BNIP3L: variants seen among roughly 807,000 people sequenced by gnomAD.
BNIP3L encodes BCL2 interacting protein 3 like.
In BNIP3L, 10 loss-of-function variants were observed where a neutral mutation model predicts 25.5. That is an observed-to-expected ratio of 0.39 (90% confidence interval 0.24 to 0.67). The LOEUF (loss-of-function observed/expected upper bound fraction) is 0.67. Ranked by LOEUF, BNIP3L falls within the 30% of genes least tolerant of loss-of-function variation. The probability of loss-of-function intolerance (pLI) is 0.45; values close to 1 mark genes in which losing one functional copy is unlikely to be tolerated. For missense variants in BNIP3L, 215 were observed against 270.9 expected (o/e 0.79, Z 1.45); for synonymous variants, 113 against 101.2 (o/e 1.12, Z -0.70).
Position 26,408,327 on chromosome 8 carries a change from G to A in BNIP3L, c.562G>A (p.Val188Met), listed in dbSNP as rs1806544938. 1 of 1,614,196 alleles carries A rather than the reference G, an allele frequency of 6.2e-7. No individual in the cohort carries two copies. The highest frequency in any genetic ancestry group is 8.5e-7 in the Non-Finnish European group (1 of 1,180,028). Reference sequence around the variant, plus strand: ...TATTTTCTCCGCAGAATTTCTGAAGGTGTTCATTCCATCTCTCTTCCTTTC... The same window carrying A: ...TATTTTCTCCGCAGAATTTCTGAAGATGTTCATTCCATCTCTCTTCCTTTC... Reference protein sequence around the residue: ...GGIFSAEFLKVFIPSLFLSHV... With the variant: ...GGIFSAEFLKMFIPSLFLSHV... The change falls in exon 5 of 6, where the codon GTG becomes ATG. Residue 188 changes from valine to methionine, a missense_variant. Val to Met is a conservative substitution (Grantham distance 21). Transcript: ENST00000380629.
At chr8:26,408,557 G>C (rs1276964824) in intron 5 of BNIP3L, among the ~76,000 whole-genome samples, 181 bp downstream of exon 5, 2 of 152,170 alleles carry the variant, frequency 1.3e-5, no homozygotes, top group Non-Finnish European at 2.9e-5. Context: ...AATAATAGTA[G>C]AGTGTGTTTT....
At chr8:26,387,287 C>A (rs911113932) in intron 1 of BNIP3L, among the ~76,000 whole-genome samples, 3 of 152,166 alleles carry the variant, frequency 2.0e-5, no homozygotes, top group Admixed American at 1.3e-4. Flanking sequence ...TAGTCATTCC[C>A]AAAAACCCAA....
chr8:26,388,326 C>A (rs1806033610), intron 1 of BNIP3L, among the ~76,000 whole-genome samples: 1 of 152,114 alleles, frequency 6.6e-6, no homozygotes, highest in South Asian at 2.1e-4. Context: ...CTAACAAAGT[C>A]TTCGAGGTAG....
At chr8:26,400,574 TTAAAC>T (rs1329489300) in intron 3 of BNIP3L, among the ~76,000 whole-genome samples, 1 of 141,878 alleles carries the variant, frequency 7.0e-6, no homozygotes, top group Non-Finnish European at 1.5e-5. Flanking sequence ...TGGGATCTAA[TTAAAC>T]TAAAGAGCTT....
Position 26,410,698 on chromosome 8 carries a change from T to C in BNIP3L, c.*286T>C. The stretch of plus-strand genomic sequence containing the variant: ...CTTTTCCGCAAATGCCACCAGCAGA[T>C]TATAATTTTGTCAGCAATGCTATTA... On this transcript the variant is annotated 3_prime_UTR_variant, in exon 6 of 6. Coordinates refer to ENST00000380629, the MANE Select transcript of BNIP3L (RefSeq NM_004331.3). The C allele has an allele frequency of 2.4e-6, 1 of 421,802 alleles. No individual in the cohort carries two copies. The highest frequency in any genetic ancestry group is 2.5e-5 in the South Asian group (1 of 40,320). 26.1% of individuals were successfully genotyped at this position (421,802 alleles called of 1,614,324 possible).
At chr8:26,389,716 T>C (rs563957000) in intron 1 of BNIP3L, among the ~76,000 whole-genome samples, 40 of 152,366 alleles carry the variant, frequency 2.6e-4, no homozygotes, top group Admixed American at 1.1e-3. Context: ...TTATTATCTC[T>C]GTTTACAAAT....
intron 1 of BNIP3L, among the ~76,000 whole-genome samples, chr8:26,389,594 A>G (rs747541404): frequency 2.6e-5 from 4 of 152,190 alleles, no homozygotes; most frequent in Non-Finnish European, 4.4e-5. Context: ...GCTGCCTCAA[A>G]TGGAAAGGAA....
At chr8:26,409,846 A>C (rs17055196) in intron 5 of BNIP3L, among the ~76,000 whole-genome samples, 19,557 of 152,202 alleles carry the variant, frequency 0.13, 1,422 homozygotes, top group African/African-American at 0.19. Context: ...TGAAGAGGCC[A>C]AATACTTTCT....
chr8:26,383,601 G>A (rs2117458376), intron 1 of BNIP3L: 1 of 532,840 alleles, frequency 1.9e-6, no homozygotes, highest in Non-Finnish European at 2.4e-6. Flanking sequence ...AGGGGACGTG[G>A]GCCGGGATGG....
At chr8:26,405,052 TTTTTG>T (rs1281570596) in intron 3 of BNIP3L, among the ~76,000 whole-genome samples, 11 of 152,226 alleles carry the variant, frequency 7.2e-5, no homozygotes, top group Non-Finnish European at 1.5e-4. Context: ...ATGGAGTTCT[TTTTTG>T]TTTTGTTTTC....
intron 1 of BNIP3L, 75 bp downstream of exon 1, chr8:26,383,305 G>C: frequency 6.5e-7 from 1 of 1,536,174 alleles, no homozygotes; most frequent in Non-Finnish European, 8.8e-7. Flanking sequence ...CCGGCGCGGC[G>C]CGGGAGGCGG....
intron 3 of BNIP3L, among the ~76,000 whole-genome samples, chr8:26,405,468 C>T (rs1806478081): frequency 6.6e-6 from 1 of 152,162 alleles, no homozygotes; most frequent in Admixed American, 6.5e-5. Flanking sequence ...TTGCCAAGTT[C>T]AGCAGAACTA....
At chr8:26,384,727 A>ATTTTTTT (rs10598657) in intron 1 of BNIP3L, among the ~76,000 whole-genome samples, 1 of 97,146 alleles carries the variant, frequency 1.0e-5, no homozygotes, top group Non-Finnish European at 1.9e-5. Context: ...TTTTGAGGAC[A>ATTTTTTT]TTTTTTTTTT....
At chr8:26,388,452 C>T (rs182537224) in intron 1 of BNIP3L, among the ~76,000 whole-genome samples, 3 of 152,238 alleles carry the variant, frequency 2.0e-5, no homozygotes, top group East Asian at 1.9e-4. Flanking sequence ...AGTCTCAGCC[C>T]CTGACCACAC....
intron 3 of BNIP3L, among the ~76,000 whole-genome samples, chr8:26,403,699 G>A (rs1806440192): frequency 6.6e-6 from 1 of 151,818 alleles, no homozygotes; most frequent in Admixed American, 6.6e-5. Flanking sequence ...GCCACGCCTG[G>A]CTACTTTTTT....
chr8:26,393,570 G>A (rs1806161782), intron 2 of BNIP3L, among the ~76,000 whole-genome samples: 2 of 151,894 alleles, frequency 1.3e-5, no homozygotes, highest in Admixed American at 1.3e-4. Flanking sequence ...GTTAGGAGGA[G>A]TAAACAGTTT....
intron 5 of BNIP3L, among the ~76,000 whole-genome samples, chr8:26,409,691 A>G (rs1030781023): frequency 1.3e-5 from 2 of 152,270 alleles, no homozygotes; most frequent in East Asian, 1.9e-4. Flanking sequence ...TCTTTCAGTC[A>G]TCTTCAGATT....
chr8:26,402,428 T>C (rs62490989), intron 3 of BNIP3L, among the ~76,000 whole-genome samples: 2,386 of 152,328 alleles, frequency 0.016, 23 homozygotes, highest in Middle Eastern at 0.048. Flanking sequence ...TTCTTTGCCG[T>C]GGTCTTTCCT....
intron 5 of BNIP3L, among the ~76,000 whole-genome samples, chr8:26,408,863 C>T (rs1253771028): frequency 2.5e-5 from 3 of 119,818 alleles, no homozygotes; most frequent in Admixed American, 9.6e-5. Context: ...TAGAGTGAGA[C>T]TCCATCTCGG....
Sources: gnomAD v4.1 joint callset for allele counts (sites outside exome capture counted in the v4.1 genomes callset) on GRCh38, gnomAD v4.1.1 for gene constraint, MANE v1.5 for transcripts, NCBI Gene and HGNC (gene_info 2026-07-23, HGNC 2026-07-21) for gene names.